The following TNRC6C variants were observed in gnomAD, a reference collection of about 807,000 sequenced individuals.
TNRC6C encodes the protein trinucleotide repeat-containing gene 6C protein.
Under a neutral mutation model 153.7 loss-of-function variants are expected in TNRC6C, and 20 were observed. The observed-to-expected ratio is 0.13, with a 90% CI of 0.09 to 0.19. The LOEUF is 0.19. TNRC6C is among the 10% of genes least tolerant of loss of function. The pLI, the probability that TNRC6C is intolerant of heterozygous loss-of-function variation, is 1.00. For missense variants in TNRC6C, 1,987 were observed against 2,172.0 expected, an observed-to-expected ratio of 0.91 and a Z score of 1.69; for synonymous variants, 811 against 841.4, an observed-to-expected ratio of 0.96 and a Z score of 0.63.
chr17:78,037,459 G>C (rs2072202084), intron 2 of TNRC6C, among the ~76,000 whole-genome samples: 1 of 152,216 alleles, frequency 6.6e-6, no homozygotes, highest in East Asian at 1.9e-4. Flanking sequence ...TGCCACATGG[G>C]AAGGACAACT....
intron 3 of TNRC6C, among the ~76,000 whole-genome samples, chr17:78,060,468 CTTTTTTTTTTT>C (rs975826787): frequency 7.9e-6 from 1 of 125,980 alleles, no homozygotes; most frequent in African/African-American, 3.0e-5. Context: ...AATCGTTTAT[CTTTTTTTTTTT>C]TTTTTTTTTT....
chr17:78,009,851 C>T (rs1196996026), intron 1 of TNRC6C, among the ~76,000 whole-genome samples: 1 of 151,932 alleles, frequency 6.6e-6, no homozygotes, highest in Non-Finnish European at 1.5e-5. Flanking sequence ...CTGCCCCTGG[C>T]CTGAATTATG....
chr17:78,020,492 T>A (rs1324689791), intron 1 of TNRC6C, among the ~76,000 whole-genome samples: 2 of 152,218 alleles, frequency 1.3e-5, no homozygotes, highest in South Asian at 2.1e-4. Flanking sequence ...TTTCAGTCTT[T>A]ATGAAAACAG....
rs757266018 is a variant in TNRC6C, at chr17:78,049,607, A to G, written c.545A>G (p.Asp182Gly). The change falls in exon 3 of 20, where the codon GAT (aspartate) becomes GGT (glycine). Residue 182 changes from aspartate to glycine, a missense_variant. Coordinates refer to ENST00000301624, the Ensembl canonical transcript of TNRC6C. This position sits in a 1 kb window ranked among gnomAD's most constrained non-coding sequence, Gnocchi z 4.1. ...GCACAACCTCAGAACCTTAACACTG[A>G]TGGACCAAATAACACTAACCCCATG... 2.3e-5 allele frequency: 37 copies of G among 1,613,902 alleles called. No homozygotes were observed. Among genetic ancestry groups the G allele is most frequent in the Non-Finnish European group, 6.8e-6 (8 of 1,179,910 alleles).
chr17:78,051,401 C>T (rs1400168363), exon 3 of TNRC6C: 10 of 1,549,662 alleles, frequency 6.5e-6, no homozygotes, highest in Middle Eastern at 1.7e-4. Context: ...ACGCCGCCCC[C>T]GCACCAGGCC....
intron 1 of TNRC6C, among the ~76,000 whole-genome samples, chr17:77,991,227 C>G (rs1446200260): frequency 6.6e-6 from 1 of 152,168 alleles, no homozygotes; most frequent in Non-Finnish European, 1.5e-5. Context: ...CCTGTAGAGT[C>G]AAATCTCAGG....
At chr17:77,987,731 TG>T (rs1434652492) in intron 1 of TNRC6C, among the ~76,000 whole-genome samples, 1 of 152,166 alleles carries the variant, frequency 6.6e-6, no homozygotes, top group East Asian at 1.9e-4. Flanking sequence ...TGGAGTGCAG[TG>T]GCGCGAGCAC....
intron 14 of TNRC6C, among the ~76,000 whole-genome samples, chr17:78,091,882 A>G (rs1398272783): frequency 6.6e-6 from 1 of 152,180 alleles, no homozygotes; most frequent in Non-Finnish European, 1.5e-5. Flanking sequence ...TACTTTTTTT[A>G]TGTATCTATA....
chr17:78,102,686 G>A lies in TNRC6C; in HGVS notation c.4572+142G>A. 2.6e-6 allele frequency: 2 copies of A among 768,634 alleles called. 1 individual carries two copies. The highest frequency in any genetic ancestry group is 3.9e-5 in the South Asian group (2 of 50,658). 47.6% of individuals were successfully genotyped at this position (768,634 alleles called of 1,614,324 possible). On this transcript the variant is annotated intron_variant, in intron 18 of 19. Transcript: ENST00000301624. Reference sequence around the variant, plus strand: ...CCATAAGTGACGCTGCATGGGAGGAGATGAGCAAGTGCCAGGATTGGCTCC... The same window carrying A: ...CCATAAGTGACGCTGCATGGGAGGAAATGAGCAAGTGCCAGGATTGGCTCC...
At chr17:78,095,260 A>C (rs571841766) in intron 16 of TNRC6C, among the ~76,000 whole-genome samples, 40 of 152,348 alleles carry the variant, frequency 2.6e-4, no homozygotes, top group Middle Eastern at 3.4e-3. Flanking sequence ...GGTGTGAAGA[A>C]GATGGCCCGA....
intron 1 of TNRC6C, among the ~76,000 whole-genome samples, chr17:77,968,038 C>A (rs1485443928): frequency 1.3e-5 from 2 of 151,950 alleles, no homozygotes; most frequent in Non-Finnish European, 2.9e-5. Flanking sequence ...TATTCTTATT[C>A]TTATTCTTAT....
chr17:78,006,609 CCTT>C (rs1429883625), intron 1 of TNRC6C, among the ~76,000 whole-genome samples: 40 of 143,530 alleles, frequency 2.8e-4, no homozygotes, highest in African/African-American at 7.8e-4. Context: ...CCTCCTTCTT[CCTT>C]CTTCTTCTTT....
At chr17:78,031,129 A>G (rs543476536) in intron 1 of TNRC6C, among the ~76,000 whole-genome samples, 8 of 152,086 alleles carry the variant, frequency 5.3e-5, no homozygotes, top group African/African-American at 1.9e-4. Context: ...AAAGAAAGAA[A>G]TGCATATTCC....
upstream of TNRC6C, among the ~76,000 whole-genome samples, chr17:78,000,082 G>T (rs2071388346): frequency 6.6e-6 from 1 of 152,150 alleles, no homozygotes; most frequent in Admixed American, 6.5e-5. Context: ...GCAATGAGTC[G>T]CCTTTTCCAC....
rs761674689 is a variant in TNRC6C at position 78,049,273 on chromosome 17, G to A, written c.211G>A (p.Asp71Asn). 9 of 1,612,624 alleles carry A rather than the reference G, an allele frequency of 5.6e-6. No individual in the cohort carries two copies. The highest frequency in any genetic ancestry group is 3.3e-5 in the Admixed American group (2 of 59,934). ...GGCTCACTGCTCTGTCAGTGGTGGGGATGGAAAAATGGACACTATGATTGG... is the reference window on the plus strand; with the variant it reads ...GGCTCACTGCTCTGTCAGTGGTGGGAATGGAAAAATGGACACTATGATTGG... Residue 71 changes from aspartate to asparagine, a missense_variant, in exon 3 of 20, where the codon GAT becomes AAT. Transcript: ENST00000301624. The surrounding 1 kb of genome is among the most constrained non-coding windows in gnomAD (Gnocchi z 4.1).
At chr17:78,102,276 G>T (rs2073610786) in intron 17 of TNRC6C, among the ~76,000 whole-genome samples, 198 bp from the exon 21 acceptor site, 1 of 152,224 alleles carries the variant, frequency 6.6e-6, no homozygotes, top group Non-Finnish European at 1.5e-5. Context: ...CCACGGGGAA[G>T]TGGGAAGGGG....
intron 1 of TNRC6C, among the ~76,000 whole-genome samples, chr17:78,027,887 T>C (rs910274162): frequency 1.3e-4 from 19 of 150,172 alleles, no homozygotes; most frequent in African/African-American, 4.7e-4. Flanking sequence ...ATATCTGTAG[T>C]GACAGAAACT....
chr17:78,002,629 A>C (rs1477147348), upstream of TNRC6C, among the ~76,000 whole-genome samples: 1 of 152,214 alleles, frequency 6.6e-6, no homozygotes, highest in Non-Finnish European at 1.5e-5. Flanking sequence ...GTGGTGGCCC[A>C]CACCTGTAAT....
chr17:77,968,233 C>T (rs919784314), intron 1 of TNRC6C, among the ~76,000 whole-genome samples: 1 of 151,912 alleles, frequency 6.6e-6, no homozygotes, highest in African/African-American at 2.4e-5. Context: ...GGGGTTTCAC[C>T]ATGTTGGCCA....
Sources: gnomAD v4.1 joint callset for allele counts (sites outside exome capture counted in the v4.1 genomes callset) on GRCh38, gnomAD v4.1.1 for gene constraint, Gnocchi (gnomAD v3.1) non-coding constraint, MANE v1.5 for transcripts, NCBI Gene and HGNC (gene_info 2026-07-23, HGNC 2026-07-21) for gene names.